DSCAM: variants seen among roughly 807,000 people sequenced by gnomAD.
DSCAM encodes DS cell adhesion molecule.
A neutral mutation model predicts 217.7 loss-of-function variants in DSCAM; 47 were observed. That is an observed-to-expected ratio of 0.22 (90% CI 0.17 to 0.28). The LOEUF (loss-of-function observed/expected upper bound fraction) is 0.28, where lower values mean the gene tolerates loss of function less well. Among genes scored for constraint, DSCAM ranks in the 10% least tolerant of loss-of-function variants. The probability of loss-of-function intolerance (pLI) is 1.00; values close to 1 mark genes in which losing one functional copy is unlikely to be tolerated. For missense variants in DSCAM, 2,080 were observed against 2,618.3 expected, an observed-to-expected ratio of 0.79 and a Z score of 4.49; for synonymous variants, 1,056 against 1,015.3, an observed-to-expected ratio of 1.04 and a Z score of -0.76.
At chr21:40,185,324 G>A (rs73364116) in intron 14 of DSCAM, among the ~76,000 whole-genome samples, 10,895 of 152,196 alleles carry the variant, frequency 0.072, 1,238 homozygotes, top group African/African-American at 0.24. Flanking sequence ...GTCCTTTGAG[G>A]TGGATGCAGC....
chr21:40,682,619 A>AAAGAAAG (rs1568981452), intron 3 of DSCAM, among the ~76,000 whole-genome samples: 12 of 19,266 alleles, frequency 6.2e-4, no homozygotes, highest in African/African-American at 1.5e-3. Flanking sequence ...AAGAAAGAGA[A>AAAGAAAG]AGAGAAAGAG....
intron 14 of DSCAM, among the ~76,000 whole-genome samples, chr21:40,180,252 T>C (rs1283099330): frequency 1.3e-5 from 2 of 152,134 alleles, no homozygotes; most frequent in Non-Finnish European, 2.9e-5. Context: ...AGTATGGCAG[T>C]TTAGGGGACT....
intron 20 of DSCAM, among the ~76,000 whole-genome samples, chr21:40,108,974 C>T (rs906669158): frequency 3.9e-5 from 6 of 152,172 alleles, no homozygotes; most frequent in Non-Finnish European, 7.4e-5. Flanking sequence ...TGGCTCCCTT[C>T]CTTACACGAT....
At chr21:40,642,407 A>G (rs2089893855) in intron 3 of DSCAM, among the ~76,000 whole-genome samples, 1 of 152,186 alleles carries the variant, frequency 6.6e-6, no homozygotes, top group South Asian at 2.1e-4. Flanking sequence ...AGCACCCATT[A>G]GGAGTACTGA....
At chr21:40,668,101 G>T (rs2090225317) in intron 3 of DSCAM, among the ~76,000 whole-genome samples, 1 of 152,160 alleles carries the variant, frequency 6.6e-6, no homozygotes, top group Admixed American at 6.5e-5. Context: ...AGTTGCTAGA[G>T]CTCCAGGCAA....
At chr21:40,095,743 AAATC>A (rs1342182926) in intron 20 of DSCAM, among the ~76,000 whole-genome samples, 1 of 152,242 alleles carries the variant, frequency 6.6e-6, no homozygotes, top group Non-Finnish European at 1.5e-5. Context: ...TCATAAGAAG[AAATC>A]AATCAATCAA....
At chr21:40,607,789 G>A (rs1244584190) in intron 3 of DSCAM, among the ~76,000 whole-genome samples, 1 of 152,156 alleles carries the variant, frequency 6.6e-6, no homozygotes, top group African/African-American at 2.4e-5. Flanking sequence ...GGAACTGTGA[G>A]TCCATTAAAC....
intron 11 of DSCAM, among the ~76,000 whole-genome samples, chr21:40,223,085 C>T (rs1355411998): frequency 2.0e-5 from 3 of 152,196 alleles, no homozygotes; most frequent in African/African-American, 7.2e-5. Flanking sequence ...CCGGTGTGGC[C>T]TCTCTTTCCC....
At chr21:40,284,543 G>C (rs181538848) in intron 10 of DSCAM, among the ~76,000 whole-genome samples, 2 of 152,324 alleles carry the variant, frequency 1.3e-5, no homozygotes, top group African/African-American at 2.4e-5. Flanking sequence ...TAGGTGCAAG[G>C]GTGGAAAAGC....
chr21:40,798,830 C>A (rs181179368), intron 1 of DSCAM, among the ~76,000 whole-genome samples: 1 of 152,104 alleles, frequency 6.6e-6, no homozygotes, highest in East Asian at 1.9e-4. Flanking sequence ...TTCACCCATT[C>A]AGTATATATT....
intron 9 of DSCAM, among the ~76,000 whole-genome samples, chr21:40,303,982 G>A (rs1446803334): frequency 6.6e-6 from 1 of 152,124 alleles, no homozygotes; most frequent in African/African-American, 2.4e-5. Flanking sequence ...GGAAGCAAAG[G>A]GCAGGAGTGC....
chr21:40,719,963 TGAA>T (rs200187901), intron 1 of DSCAM, among the ~76,000 whole-genome samples: 3,832 of 152,172 alleles, frequency 0.025, 77 homozygotes, highest in Admixed American at 0.043. Flanking sequence ...AAAAAAATCA[TGAA>T]GGAGATAAAT....
chr21:40,143,862 C>T (rs1035131581), intron 17 of DSCAM, among the ~76,000 whole-genome samples: 1 of 152,202 alleles, frequency 6.6e-6, no homozygotes. Context: ...GCCTTCAAAG[C>T]TACCACTTAT....
intron 19 of DSCAM, among the ~76,000 whole-genome samples, chr21:40,127,654 A>G (rs2090109719): frequency 6.6e-6 from 1 of 152,180 alleles, no homozygotes; most frequent in Non-Finnish European, 1.5e-5. Context: ...TTAGACCGAC[A>G]TAGTCACAAC....
intron 3 of DSCAM, among the ~76,000 whole-genome samples, chr21:40,403,723 AAT>A (rs1330932723): frequency 1.3e-5 from 2 of 152,012 alleles, no homozygotes; most frequent in African/African-American, 2.4e-5. Flanking sequence ...CCAATGACAA[AAT>A]CACAAAAGAA....
chr21:40,758,552 AGAG>A (rs2091298916), intron 1 of DSCAM, among the ~76,000 whole-genome samples: 1 of 151,296 alleles, frequency 6.6e-6, no homozygotes, highest in Non-Finnish European at 1.5e-5. Flanking sequence ...ACTGAGATAC[AGAG>A]GACAGGAGGT....
At chr21:40,210,159 T>C (rs1056727504) in intron 11 of DSCAM, among the ~76,000 whole-genome samples, 11 of 152,276 alleles carry the variant, frequency 7.2e-5, no homozygotes, top group African/African-American at 2.6e-4. Context: ...GCTGGCACTG[T>C]TTTGCCATTC....
At chr21:40,073,266 G>A (rs1045466979) in intron 27 of DSCAM, among the ~76,000 whole-genome samples, 3 of 152,050 alleles carry the variant, frequency 2.0e-5, no homozygotes, top group Non-Finnish European at 4.4e-5. Context: ...GGTGTAGACC[G>A]ATGAGAAGCA....
At chr21:40,425,155 C>T (rs949878811) in intron 3 of DSCAM, among the ~76,000 whole-genome samples, 18 of 152,096 alleles carry the variant, frequency 1.2e-4, no homozygotes, top group Non-Finnish European at 4.4e-5. Flanking sequence ...GAGGCTACAA[C>T]TCCAAAACAG....
Sources: gnomAD v4.1 joint callset for allele counts (sites outside exome capture counted in the v4.1 genomes callset) on GRCh38, gnomAD v4.1.1 for gene constraint, MANE v1.5 for transcripts, NCBI Gene and HGNC (gene_info 2026-07-23, HGNC 2026-07-21) for gene names.